RBFOX1: variants seen among roughly 807,000 people sequenced by gnomAD.
The protein encoded by RBFOX1 is RNA binding fox-1 homolog 1.
Under a neutral mutation model 57.7 loss-of-function variants are expected in RBFOX1, and 8 were observed. That is an observed-to-expected ratio of 0.14 (90% CI 0.08 to 0.25). The LOEUF is 0.25. Among genes scored for constraint, RBFOX1 ranks in the 10% least tolerant of loss-of-function variants. RBFOX1 has a pLI of 1.00. For missense variants in RBFOX1, 611 were observed against 548.5 expected, an observed-to-expected ratio of 1.11 and a Z score of -1.14; for synonymous variants, 326 against 222.4, an observed-to-expected ratio of 1.47 and a Z score of -4.15.
chr16:5,701,093 T>C (rs1049053711), intron 3 of RBFOX1, among the ~76,000 whole-genome samples: 2 of 147,428 alleles, frequency 1.4e-5, no homozygotes, highest in African/African-American at 4.9e-5. Flanking sequence ...CTTCTTGCCC[T>C]GATGATACCA....
chr16:5,303,616 T>G (rs1016704777), intron 1 of RBFOX1, among the ~76,000 whole-genome samples: 17 of 152,252 alleles, frequency 1.1e-4, no homozygotes, highest in African/African-American at 3.4e-4. Flanking sequence ...AAACAGCGCT[T>G]GGGTCCCTTC....
chr16:6,833,126 T>G (rs984448101), intron 3 of RBFOX1, among the ~76,000 whole-genome samples: 21 of 151,902 alleles, frequency 1.4e-4, no homozygotes, highest in Non-Finnish European at 2.5e-4. Context: ...GCACTTTCCT[T>G]TTTTTTCAAG....
At chr16:6,662,342 C>T (rs563174484) in intron 3 of RBFOX1, among the ~76,000 whole-genome samples, 1 of 152,248 alleles carries the variant, frequency 6.6e-6, no homozygotes, top group African/African-American at 2.4e-5. Flanking sequence ...TAGTAGTAAT[C>T]ATTTCATGAT....
chr16:6,936,255 C>A (rs1382206243), intron 3 of RBFOX1, among the ~76,000 whole-genome samples: 2 of 152,094 alleles, frequency 1.3e-5, no homozygotes, highest in Admixed American at 6.5e-5. Context: ...GGATATTAAG[C>A]CTAAATCAGA....
chr16:5,490,672 C>G (rs947153670), intron 2 of RBFOX1, among the ~76,000 whole-genome samples: 1 of 152,142 alleles, frequency 6.6e-6, no homozygotes, highest in African/African-American at 2.4e-5. Flanking sequence ...CTCTGCAGAC[C>G]GCCCGGAAAC....
chr16:6,014,842 T>A (rs566308370), upstream of RBFOX1, among the ~76,000 whole-genome samples: 119 of 150,888 alleles, frequency 7.9e-4, 1 homozygote, highest in African/African-American at 2.7e-3. Context: ...AATAAAAGGA[T>A]GCTTGGCTAC....
At chr16:7,095,523 T>C (rs1173646129) in intron 4 of RBFOX1, among the ~76,000 whole-genome samples, 1 of 152,200 alleles carries the variant, frequency 6.6e-6, no homozygotes, top group Non-Finnish European at 1.5e-5. Flanking sequence ...TGTCCTCTTT[T>C]CCACTTGGTT....
intron 1 of RBFOX1, among the ~76,000 whole-genome samples, chr16:6,271,388 A>C (rs548118820): frequency 6.6e-6 from 1 of 152,108 alleles, no homozygotes; most frequent in East Asian, 1.9e-4. Context: ...TGACCACTGC[A>C]CTTCAGCTGG....
intron 4 of RBFOX1, among the ~76,000 whole-genome samples, chr16:5,871,229 A>G (rs767706431): frequency 6.6e-6 from 1 of 152,312 alleles, no homozygotes; most frequent in Non-Finnish European, 1.5e-5. Flanking sequence ...CTGCCCAGCA[A>G]TGTTTATGAC....
intron 3 of RBFOX1, among the ~76,000 whole-genome samples, chr16:6,837,225 C>T (rs1420145985): frequency 6.6e-6 from 1 of 152,198 alleles, no homozygotes; most frequent in Non-Finnish European, 1.5e-5. Context: ...CTGTGGATCT[C>T]CGTGTTTTAA....
At chr16:6,787,464 G>A (rs1033818773) in intron 3 of RBFOX1, among the ~76,000 whole-genome samples, 3 of 152,302 alleles carry the variant, frequency 2.0e-5, no homozygotes, top group Non-Finnish European at 2.9e-5. Flanking sequence ...CAGTTAGAGT[G>A]TGAATTGGAG....
At chr16:5,382,906 G>A (rs139900461) in intron 1 of RBFOX1, among the ~76,000 whole-genome samples, 98 of 152,238 alleles carry the variant, frequency 6.4e-4, no homozygotes, top group Non-Finnish European at 9.1e-4. Flanking sequence ...TTATGATGAC[G>A]CAGAGAAGAA....
At chr16:7,056,727 G>A (rs2052413992) in intron 4 of RBFOX1, among the ~76,000 whole-genome samples, 1 of 152,108 alleles carries the variant, frequency 6.6e-6, no homozygotes, top group East Asian at 1.9e-4. Context: ...TGCTTGAGTG[G>A]TAGATGTTGG....
chr16:7,192,964 C>G (rs1488808303), intron 4 of RBFOX1, among the ~76,000 whole-genome samples: 2 of 152,134 alleles, frequency 1.3e-5, no homozygotes, highest in African/African-American at 4.8e-5. Context: ...CTCTTTGTGT[C>G]GACAGACATC....
In RBFOX1 at chr16:7,115,409, C is replaced by T. The variant is rs769803193; in HGVS notation, c.27+63311C>T. ...TGGAAAACAGAAACTAATTCTTTTG[C>T]CTTAGTTACCTATTGCTATGTAATT... On this transcript the variant is annotated intron_variant, in intron 4 of 15. Coordinates refer to ENST00000550418, the MANE Select transcript of RBFOX1 (RefSeq NM_018723.4). Among the ~76,000 whole-genome samples the T allele has an allele frequency of 2.0e-5, 3 of 152,268 alleles. No homozygotes were observed. The East Asian group carries it at 5.8e-4, about 30-fold the overall frequency.
chr16:6,872,629 C>G (rs763506598), intron 3 of RBFOX1, among the ~76,000 whole-genome samples: 1 of 152,132 alleles, frequency 6.6e-6, no homozygotes, highest in Non-Finnish European at 1.5e-5. Context: ...TTTGAATATT[C>G]CTGCAGTGGC....
intron 3 of RBFOX1, among the ~76,000 whole-genome samples, chr16:6,836,236 A>G (rs1057400778): frequency 6.6e-6 from 1 of 152,240 alleles, no homozygotes; most frequent in Non-Finnish European, 1.5e-5. Context: ...GTTGTCTAAC[A>G]GTCCTAACTT....
At chr16:6,937,665 G>A (rs1006737289) in intron 3 of RBFOX1, among the ~76,000 whole-genome samples, 23 of 152,082 alleles carry the variant, frequency 1.5e-4, no homozygotes, top group African/African-American at 4.1e-4. Flanking sequence ...GGTATGGTGC[G>A]ATGGGCTTCC....
chr16:6,865,277 A>G (rs2059729378), intron 3 of RBFOX1, among the ~76,000 whole-genome samples: 1 of 151,990 alleles, frequency 6.6e-6, no homozygotes, highest in Non-Finnish European at 1.5e-5. Context: ...TACTGGGATT[A>G]CAGACGTGAG....
Sources: allele counts gnomAD v4.1 joint callset (sites outside exome capture counted in the v4.1 genomes callset), GRCh38; gene constraint gnomAD v4.1.1; transcripts MANE v1.5; gene names NCBI Gene and HGNC (gene_info 2026-07-23, HGNC 2026-07-21).